The following NOD1 variants were observed in gnomAD, a reference collection of about 807,000 sequenced individuals.
NOD1 encodes nucleotide binding oligomerization domain containing 1.
A neutral mutation model predicts 81.2 loss-of-function variants in NOD1; 70 were observed. The observed-to-expected ratio is 0.86, with a 90% CI of 0.71 to 1.05. The LOEUF is 1.05. Ranked by LOEUF, NOD1 falls within the 50% of genes least tolerant of loss-of-function variation. The pLI, the probability that NOD1 is intolerant of heterozygous loss-of-function variation, is 0.00. For synonymous variants in NOD1, 508 were observed against 526.9 expected, an observed-to-expected ratio of 0.96 and a Z score of 0.49; for missense variants, 1,233 against 1,228.0, an observed-to-expected ratio of 1.00 and a Z score of -0.06.
chr7:30,456,095 C>T (rs748036649), intron 4 of NOD1, among the ~76,000 whole-genome samples: 4 of 152,224 alleles, frequency 2.6e-5, no homozygotes, highest in African/African-American at 7.2e-5. Flanking sequence ...ACAAAGCACA[C>T]GAGTGTGCTA....
intron 1 of NOD1, among the ~76,000 whole-genome samples, chr7:30,465,325 C>T (rs1293315340): frequency 6.6e-6 from 1 of 152,134 alleles, no homozygotes; most frequent in South Asian, 2.1e-4. Flanking sequence ...CCACCAGCCA[C>T]GGCTTCCCTT....
chr7:30,470,192 C>T (rs1410241719), intron 1 of NOD1, among the ~76,000 whole-genome samples: 1 of 152,224 alleles, frequency 6.6e-6, no homozygotes, highest in South Asian at 2.1e-4. Context: ...TCTGTAAGTA[C>T]AGATAATAAC....
At chr7:30,432,051 G>T (rs1270106337) in intron 12 of NOD1, among the ~76,000 whole-genome samples, 1 of 152,182 alleles carries the variant, frequency 6.6e-6, no homozygotes, top group Non-Finnish European at 1.5e-5. Flanking sequence ...GTTGCAGAGA[G>T]CTGAGATCAT....
At chr7:30,468,723 C>T in intron 1 of NOD1, 1 of 706,028 alleles carries the variant, frequency 1.4e-6, no homozygotes, top group South Asian at 6.4e-5. Flanking sequence ...CAACCCCCAA[C>T]ATAACTGGCA....
intron 12 of NOD1, among the ~76,000 whole-genome samples, chr7:30,430,143 T>C (rs557995646): frequency 6.6e-6 from 1 of 152,270 alleles, no homozygotes; most frequent in African/African-American, 2.4e-5. Flanking sequence ...GTTTTAAAGT[T>C]AAGAGGCTAC....
intron 4 of NOD1, among the ~76,000 whole-genome samples, 164 bp from the exon 5 acceptor site, chr7:30,455,475 T>G (rs2128064957): frequency 6.6e-6 from 1 of 151,996 alleles, no homozygotes; most frequent in Non-Finnish European, 1.5e-5. Context: ...AGCCCGAAAA[T>G]CTGTGAAATG....
intron 1 of NOD1, among the ~76,000 whole-genome samples, chr7:30,477,181 A>G (rs1416710196): frequency 6.6e-6 from 1 of 152,242 alleles, no homozygotes; most frequent in Non-Finnish European, 1.5e-5. Flanking sequence ...TCTCCACTCC[A>G]CAAAAATAAA....
chr7:30,431,793 AT>A (rs372816047), intron 12 of NOD1, among the ~76,000 whole-genome samples: 2 of 152,318 alleles, frequency 1.3e-5, no homozygotes, highest in African/African-American at 4.8e-5. Flanking sequence ...AAATAGATAA[AT>A]TGGACTTCAT....
At chr7:30,439,386 C>T (rs55901916) in intron 9 of NOD1, among the ~76,000 whole-genome samples, 24,492 of 129,026 alleles carry the variant, frequency 0.19, 2,737 homozygotes, top group Admixed American at 0.26. Context: ...TGGGCGCAGG[C>T]CAGTGTGTGC....
intron 1 of NOD1, among the ~76,000 whole-genome samples, chr7:30,472,356 G>C (rs569313807): frequency 3.3e-4 from 50 of 152,192 alleles, no homozygotes; most frequent in Non-Finnish European, 5.6e-4. Flanking sequence ...CATCCAGCAT[G>C]ATTTCACTCT....
intron 1 of NOD1, among the ~76,000 whole-genome samples, chr7:30,461,072 C>A (rs1000369919): frequency 6.6e-6 from 1 of 152,102 alleles, no homozygotes; most frequent in Non-Finnish European, 1.5e-5. Flanking sequence ...TTTCTAATAG[C>A]CACACTAATA....
At chr7:30,434,939 G>GTTTT (rs750419135) in intron 11 of NOD1, among the ~76,000 whole-genome samples, 1 of 144,784 alleles carries the variant, frequency 6.9e-6, no homozygotes. Flanking sequence ...TGTAAGGAAT[G>GTTTT]TTTTTTTTTT....
chr7:30,451,863 G>A lies in NOD1; in HGVS notation c.1554C>T (p.Leu518=). 6.2e-7 allele frequency: 1 copy of A among 1,613,820 alleles called. No homozygotes were observed. Among genetic ancestry groups the A allele is most frequent in the Non-Finnish European group, 8.5e-7 (1 of 1,180,022 alleles). The change falls in exon 6 of 14, where the codon CTC becomes CTT. Residue 518 remains leucine (L), a synonymous_variant. Coordinates refer to ENST00000222823, the MANE Select transcript of NOD1 (RefSeq NM_006092.4). This position sits in a 1 kb window ranked among gnomAD's most constrained non-coding sequence, Gnocchi z 4.2. The stretch of plus-strand genomic sequence containing the variant: ...AGGCTGTAAAGAAGGCCTGGAGGGT[G>A]AGGTGGAAAAACTCATAGGACTGCT... ...GDQQSYEFFH[L]TLQAFFTAFF... is the part of the protein sequence containing the mutation.
At chr7:30,449,332 A>G (rs1192506649) in intron 6 of NOD1, among the ~76,000 whole-genome samples, 1 of 152,190 alleles carries the variant, frequency 6.6e-6, no homozygotes, top group Non-Finnish European at 1.5e-5. Flanking sequence ...GACATTCCCA[A>G]TATCTATACT....
At chr7:30,449,253 C>T (rs755733129) in intron 6 of NOD1, among the ~76,000 whole-genome samples, 18 of 152,168 alleles carry the variant, frequency 1.2e-4, no homozygotes, top group Admixed American at 2.6e-4. Flanking sequence ...CCTCAGAGTC[C>T]CCAGCTTGGT....
chr7:30,462,608 G>C (rs1176522775), intron 1 of NOD1, among the ~76,000 whole-genome samples: 2 of 152,118 alleles, frequency 1.3e-5, no homozygotes, highest in Admixed American at 6.5e-5. Context: ...AATCCATCAT[G>C]AATGAGTGTC....
intron 9 of NOD1, among the ~76,000 whole-genome samples, chr7:30,445,303 G>GAAAAAAAAAAAAAAAAAAAAAAAAAAA (rs1784935626): frequency 2.0e-5 from 1 of 49,238 alleles, no homozygotes; most frequent in Non-Finnish European, 4.5e-5. Context: ...AAAAAAAAAA[G>GAAAAAAAAAAAAAAAAAAAAAAAAAAA]AATTGAAGGC....
intron 1 of NOD1, chr7:30,469,182 G>A (rs1269197464): frequency 6.1e-6 from 6 of 985,292 alleles, no homozygotes; most frequent in Admixed American, 6.1e-5. Context: ...AAACAAGCCC[G>A]GTCATGTGGG....
chr7:30,471,586 T>A (rs535810118), intron 1 of NOD1, among the ~76,000 whole-genome samples: 232 of 152,334 alleles, frequency 1.5e-3, no homozygotes, highest in African/African-American at 5.4e-3. Flanking sequence ...GAATTCAGAT[T>A]TTCAAAGGTG....
Sources: allele counts gnomAD v4.1 joint callset (sites outside exome capture counted in the v4.1 genomes callset), GRCh38; gene constraint gnomAD v4.1.1; non-coding constraint Gnocchi (gnomAD v3.1); transcripts MANE v1.5; gene names NCBI Gene and HGNC (gene_info 2026-07-23, HGNC 2026-07-21).